Variants in PCDHA10 observed in about 807,000 individuals in gnomAD.
PCDHA10 encodes the protein protocadherin alpha 10.
Under a neutral mutation model 61.2 loss-of-function variants are expected in PCDHA10, and 45 were observed. The observed-to-expected ratio is 0.74, with a 90% confidence interval of 0.58 to 0.94. The LOEUF (loss-of-function observed/expected upper bound fraction) is 0.94, where lower values mean the gene tolerates loss of function less well. Ranked by LOEUF, PCDHA10 falls within the 40% of genes least tolerant of loss-of-function variation. PCDHA10 has a pLI of 0.00. For missense variants in PCDHA10, 1,278 were observed against 1,236.2 expected, an observed-to-expected ratio of 1.03 and a Z score of -0.51; for synonymous variants, 602 against 548.8, an observed-to-expected ratio of 1.10 and a Z score of -1.35.
chr5:140,929,283 G>C lies in PCDHA10; in HGVS notation c.2389-49666G>C, dbSNP rs782178876. On this transcript the variant is annotated intron_variant, in intron 1 of 3. Coordinates refer to ENST00000307360, the MANE Select transcript of PCDHA10 (RefSeq NM_018901.4). ...TGAATTTGCCAATATCCTGTATTCA[G>C]ATTCGGAATAGGAAAGGGGATCACG... 52 of 1,600,904 alleles carry C rather than the reference G, an allele frequency of 3.2e-5. No homozygotes were observed. The African/African-American group carries it at 6.7e-4, about 21-fold the overall frequency.
At chr5:140,993,523 C>CAG (rs111789518) in intron 3 of PCDHA10, among the ~76,000 whole-genome samples, 24 of 145,748 alleles carry the variant, frequency 1.6e-4, no homozygotes, top group African/African-American at 5.0e-4. Flanking sequence ...GAGAGAGAGA[C>CAG]AGAGAGAGAG....
intron 1 of PCDHA10, among the ~76,000 whole-genome samples, chr5:140,959,741 C>T (rs1415934970): frequency 6.6e-6 from 1 of 152,068 alleles, no homozygotes; most frequent in Admixed American, 6.6e-5. Flanking sequence ...CATCAAAATG[C>T]CTTAAAGTAT....
At chr5:140,987,668 G>C (rs1262402590) in intron 3 of PCDHA10, among the ~76,000 whole-genome samples, 1 of 152,082 alleles carries the variant, frequency 6.6e-6, no homozygotes, top group Non-Finnish European at 1.5e-5. Context: ...GAACAATCAG[G>C]GTTTAGTAAA....
At chr5:140,963,159 C>T (rs971538193) in intron 1 of PCDHA10, among the ~76,000 whole-genome samples, 14 of 151,752 alleles carry the variant, frequency 9.2e-5, no homozygotes, top group Non-Finnish European at 1.9e-4. Flanking sequence ...AAAAATGACA[C>T]ATGCCATCTT....
intron 1 of PCDHA10, chr5:140,969,253 C>G (rs200334724): frequency 7.4e-6 from 12 of 1,614,084 alleles, no homozygotes; most frequent in Non-Finnish European, 8.5e-7. Context: ...TGACTGACAG[C>G]AGGAATCTCA....
At chr5:140,930,306 CAT>C (rs1554207728) in intron 1 of PCDHA10, 1 of 152,052 alleles carries the variant, frequency 6.6e-6, no homozygotes, top group East Asian at 1.9e-4. Context: ...AAGTAAATAT[CAT>C]ATTTGAGAGT....
chr5:141,007,311 G>T (rs1268953957), intron 3 of PCDHA10, among the ~76,000 whole-genome samples: 1 of 151,596 alleles, frequency 6.6e-6, no homozygotes, highest in Non-Finnish European at 1.5e-5. Context: ...AGCATTTTGG[G>T]AGGCTAAAGT....
chr5:140,988,694 C>T (rs1328459106), intron 3 of PCDHA10, among the ~76,000 whole-genome samples: 1 of 152,180 alleles, frequency 6.6e-6, no homozygotes, highest in Non-Finnish European at 1.5e-5. Flanking sequence ...CCTAGACGCT[C>T]TGTATTTTCT....
intron 2 of PCDHA10, among the ~76,000 whole-genome samples, chr5:140,980,357 C>T (rs191882864): frequency 1.6e-3 from 239 of 152,238 alleles, no homozygotes; most frequent in Middle Eastern, 6.8e-3. Flanking sequence ...CTGGACTGGG[C>T]GCGGTGGCTC....
chr5:140,884,819 A>G (rs782729760), intron 1 of PCDHA10: 398 of 1,018,150 alleles, frequency 3.9e-4, no homozygotes, highest in Admixed American at 1.1e-3. Context: ...TGTGGACATT[A>G]TGTGTTGGAT....
At chr5:140,935,676 A>G (rs1168512325) in intron 1 of PCDHA10, among the ~76,000 whole-genome samples, 1 of 152,166 alleles carries the variant, frequency 6.6e-6, no homozygotes, top group Non-Finnish European at 1.5e-5. Context: ...TATGTGAAAT[A>G]TTTACATGGC....
intron 1 of PCDHA10, chr5:140,926,741 A>G (rs572260372): frequency 1.7e-6 from 2 of 1,192,504 alleles, no homozygotes; most frequent in South Asian, 2.4e-5. Flanking sequence ...GGGAGGCGCA[A>G]CGTCGGCGGT....
At chr5:140,997,668 T>TTA (rs2097778675) in intron 3 of PCDHA10, among the ~76,000 whole-genome samples, 1 of 148,244 alleles carries the variant, frequency 6.7e-6, no homozygotes, top group African/African-American at 2.5e-5. Flanking sequence ...ATTATACAGC[T>TTA]TGTGTGTGTG....
chr5:141,002,120 T>C (rs1416494483), intron 3 of PCDHA10, among the ~76,000 whole-genome samples: 1 of 152,250 alleles, frequency 6.6e-6, no homozygotes, highest in African/African-American at 2.4e-5. Context: ...CTATAATCAT[T>C]TAATAGCCTT....
intron 1 of PCDHA10, among the ~76,000 whole-genome samples, chr5:140,942,239 T>C (rs1554214876): frequency 6.6e-6 from 1 of 152,156 alleles, no homozygotes; most frequent in African/African-American, 2.4e-5. Context: ...AAATAAGATA[T>C]CCATATCATT....
chr5:140,875,530 C>T lies in PCDHA10; in HGVS notation c.2388+17094C>T, dbSNP rs782004877. On this transcript the variant is annotated intron_variant, in intron 1 of 3. Transcript: ENST00000307360. Reference sequence around the variant, plus strand: ...CCAGCGTCTGCTGCTCTCGCTTCTGCTCCTTGCAGCCTGGGAGGTGGGGAG... The same window carrying T: ...CCAGCGTCTGCTGCTCTCGCTTCTGTTCCTTGCAGCCTGGGAGGTGGGGAG... 9 of 1,614,004 alleles carry T rather than the reference C, an allele frequency of 5.6e-6. No individual in the cohort carries two copies. The South Asian group carries it at 8.8e-5, about 16-fold the overall frequency.
At chr5:140,975,056 A>G (rs1006106436) in intron 1 of PCDHA10, among the ~76,000 whole-genome samples, 3 of 152,154 alleles carry the variant, frequency 2.0e-5, no homozygotes, top group Non-Finnish European at 4.4e-5. Flanking sequence ...AGAATCTACT[A>G]TCGAGCTCAT....
intron 1 of PCDHA10, among the ~76,000 whole-genome samples, chr5:140,897,071 A>AT (rs1433909021): frequency 3.3e-5 from 5 of 151,872 alleles, no homozygotes; most frequent in African/African-American, 1.2e-4. Flanking sequence ...TGTCTTATTC[A>AT]TTTTTTCTAT....
At chr5:140,869,355 G>A (rs782391359) in intron 1 of PCDHA10, 19 of 1,614,012 alleles carry the variant, frequency 1.2e-5, no homozygotes, top group Admixed American at 1.7e-5. Context: ...ATGGCATTTT[G>A]TTTGTGAATT....
Sources: allele counts gnomAD v4.1 joint callset (sites outside exome capture counted in the v4.1 genomes callset), GRCh38; gene constraint gnomAD v4.1.1; transcripts MANE v1.5; gene names NCBI Gene and HGNC (gene_info 2026-07-23, HGNC 2026-07-21).